The following RIPOR3 variants were observed in gnomAD, a reference collection of about 807,000 sequenced individuals.
RIPOR3 encodes the protein family with sequence similarity 65 member C.
In RIPOR3, 95 loss-of-function variants were observed where a neutral mutation model predicts 114.3. The ratio of observed to expected loss-of-function variants is 0.83; its 90% confidence interval spans 0.70 to 0.99. RIPOR3 has a LOEUF of 0.99. RIPOR3 is among the 50% of genes least tolerant of loss of function. The pLI is 0.00. For synonymous variants in RIPOR3, 575 were observed against 543.8 expected, an observed-to-expected ratio of 1.06 and a Z score of -0.80; for missense variants, 1,252 against 1,266.9, an observed-to-expected ratio of 0.99 and a Z score of 0.18.
At chr20:50,658,209 A>G (rs749660879) in intron 1 of RIPOR3, among the ~76,000 whole-genome samples, 2 of 152,254 alleles carry the variant, frequency 1.3e-5, no homozygotes, top group Non-Finnish European at 2.9e-5. Flanking sequence ...GTCCATTGAC[A>G]GATGAATGGA....
At chr20:50,619,154 A>G (rs2084298446) in intron 3 of RIPOR3, among the ~76,000 whole-genome samples, 1 of 152,106 alleles carries the variant, frequency 6.6e-6, no homozygotes, top group Admixed American at 6.6e-5. Context: ...TCATCTGTAA[A>G]ATAAGGAGGC....
In RIPOR3 at chr20:50,673,948, A is replaced by G. The variant is rs531065498; in HGVS notation, c.3+17178T>C. Among the ~76,000 whole-genome samples, 22 of 152,330 alleles carry G rather than the reference A, an allele frequency of 1.4e-4. 1 individual carries two copies. The highest frequency in any genetic ancestry group is 4.6e-4 in the African/African-American group (19 of 41,582). ...GTCAAGACTCCCAAAATGTTACCAG[A>G]TGTCAGGCATGAAATATACACCCCT... On this transcript the variant is annotated intron_variant, in intron 1 of 21. Coordinates refer to ENST00000327979, the MANE Select transcript of RIPOR3 (RefSeq NM_001290268.2).
At chr20:50,626,693 G>A (rs576926792) in intron 2 of RIPOR3, among the ~76,000 whole-genome samples, 15 of 152,344 alleles carry the variant, frequency 9.8e-5, no homozygotes, top group South Asian at 8.3e-4. Context: ...GGTCTAGTGC[G>A]AAATAAAAAT....
chr20:50,649,192 C>G (rs984657562), intron 1 of RIPOR3, among the ~76,000 whole-genome samples: 2 of 152,168 alleles, frequency 1.3e-5, no homozygotes, highest in Non-Finnish European at 1.5e-5. Context: ...CACCTGTAAT[C>G]CCAACACTTT....
chr20:50,606,864 A>T (rs1289273606), intron 11 of RIPOR3, among the ~76,000 whole-genome samples: 1 of 151,794 alleles, frequency 6.6e-6, no homozygotes, highest in Non-Finnish European at 1.5e-5. Flanking sequence ...CAAGTAGCTG[A>T]AACTATAGGC....
intron 1 of RIPOR3, among the ~76,000 whole-genome samples, chr20:50,669,488 T>C (rs2086384478): frequency 6.6e-6 from 1 of 152,194 alleles, no homozygotes; most frequent in Non-Finnish European, 1.5e-5. Flanking sequence ...TATTTGAATT[T>C]GTACAGAAGG....
chr20:50,684,433 A>C (rs1379689766), intron 1 of RIPOR3, among the ~76,000 whole-genome samples: 1 of 152,226 alleles, frequency 6.6e-6, no homozygotes, highest in Non-Finnish European at 1.5e-5. Flanking sequence ...AGTGGGAAGG[A>C]GGAGAGATAA....
intron 18 of RIPOR3, 85 bp downstream of exon 18, chr20:50,592,950 G>A: frequency 6.6e-7 from 1 of 1,517,318 alleles, no homozygotes; most frequent in Non-Finnish European, 8.9e-7. Flanking sequence ...GGATGTAGTG[G>A]TTCTGAATTA....
At chr20:50,611,600 C>T (rs1010801445) in intron 4 of RIPOR3, among the ~76,000 whole-genome samples, 1 of 152,162 alleles carries the variant, frequency 6.6e-6, no homozygotes, top group Non-Finnish European at 1.5e-5. Context: ...GGAATGGCCT[C>T]GGCCATGACA....
rs185653287 is a variant in RIPOR3, at chr20:50,647,193, G to A, written c.4-16337C>T. Among the ~76,000 whole-genome samples the A allele has an allele frequency of 2.2e-4, 33 of 152,216 alleles. No homozygotes were observed. The East Asian group carries it at 5.1e-3, about 23-fold the overall frequency. The stretch of plus-strand genomic sequence containing the variant: ...AAATTAGCCAGGCGTGGTGGCGGAC[G>A]CCTGTAATCCCAGCTACTTGGGAGG... On this transcript the variant is annotated intron_variant, in intron 1 of 21. Transcript: ENST00000327979.
Position 50,587,679 on chromosome 20 carries a change from A to T in RIPOR3, c.2752+123T>A. The T allele has an allele frequency of 1.0e-5, 9 of 873,114 alleles. No individual in the cohort carries two copies. In the South Asian group the frequency reaches 1.4e-4, roughly 14 times the overall value. 54.1% of individuals were successfully genotyped at this position (873,114 alleles called of 1,614,324 possible). A position where few individuals can be genotyped will look rare whatever the true frequency, so the allele number is the denominator to read the frequency against. ...AGGTCGGCTCTGTGCCAGGGCTGCTAACGGTGCCCATCCCAGGTGCCCCAG... is the reference window on the plus strand; with the variant it reads ...AGGTCGGCTCTGTGCCAGGGCTGCTTACGGTGCCCATCCCAGGTGCCCCAG... On this transcript the variant is annotated intron_variant, in intron 21 of 21. Coordinates refer to ENST00000327979, the MANE Select transcript of RIPOR3 (RefSeq NM_001290268.2).
chr20:50,591,675 A>G (rs1390879821), intron 19 of RIPOR3, among the ~76,000 whole-genome samples: 1 of 152,238 alleles, frequency 6.6e-6, no homozygotes, highest in Non-Finnish European at 1.5e-5. Context: ...TTAAACGTAC[A>G]GTAGTTACAG....
At chr20:50,642,604 C>T (rs562811233) in intron 1 of RIPOR3, among the ~76,000 whole-genome samples, 1 of 151,664 alleles carries the variant, frequency 6.6e-6, no homozygotes, top group African/African-American at 2.4e-5. Flanking sequence ...CCCCTCCCCC[C>T]ATGAGGCCTT....
chr20:50,629,077 A>C (rs936925805), intron 2 of RIPOR3, among the ~76,000 whole-genome samples: 1 of 151,994 alleles, frequency 6.6e-6, no homozygotes, highest in African/African-American at 2.4e-5. Context: ...GTGGGGTAGG[A>C]GCTCCAGCGG....
intron 19 of RIPOR3, among the ~76,000 whole-genome samples, chr20:50,590,195 C>T (rs976300743): frequency 6.6e-6 from 1 of 152,218 alleles, no homozygotes; most frequent in Non-Finnish European, 1.5e-5. Flanking sequence ...TTCCCCTCAG[C>T]CCTCCTGTCC....
At chr20:50,682,773 G>A (rs2086901124) in intron 1 of RIPOR3, among the ~76,000 whole-genome samples, 1 of 151,508 alleles carries the variant, frequency 6.6e-6, no homozygotes, top group Admixed American at 6.6e-5. Flanking sequence ...CATCGCCCAG[G>A]CTGGAGTGCA....
chr20:50,628,842 C>T (rs1329307012), intron 2 of RIPOR3, among the ~76,000 whole-genome samples: 1 of 152,196 alleles, frequency 6.6e-6, no homozygotes, highest in African/African-American at 2.4e-5. Context: ...CCCGGCACCA[C>T]CACCCATGGG....
At chr20:50,596,363 GCCCA>G in intron 14 of RIPOR3, 100 bp from the exon 15 acceptor site, 2 of 1,524,000 alleles carry the variant, frequency 1.3e-6, no homozygotes, top group Non-Finnish European at 1.8e-6. Context: ...AGGTCAGGAG[GCCCA>G]CTCCAGGTCC....
intron 1 of RIPOR3, among the ~76,000 whole-genome samples, chr20:50,642,377 T>TGA (rs1252869368): frequency 3.2e-4 from 47 of 147,886 alleles, no homozygotes; most frequent in Admixed American, 5.4e-4. Flanking sequence ...TGTGTGTGTG[T>TGA]GAGAGAGAGA....
Sources: allele counts gnomAD v4.1 joint callset (sites outside exome capture counted in the v4.1 genomes callset), GRCh38; gene constraint gnomAD v4.1.1; transcripts MANE v1.5; gene names NCBI Gene and HGNC (gene_info 2026-07-23, HGNC 2026-07-21).